PRRC2B: variants seen among roughly 807,000 people sequenced by gnomAD.
PRRC2B encodes the protein protein PRRC2B.
A neutral mutation model predicts 242.3 loss-of-function variants in PRRC2B; 68 were observed. That is an observed-to-expected ratio of 0.28 (90% confidence interval 0.23 to 0.34). PRRC2B has a LOEUF of 0.34. Ranked by LOEUF, PRRC2B falls within the 10% of genes least tolerant of loss-of-function variation. PRRC2B has a pLI of 1.00. For synonymous variants in PRRC2B, 1,228 were observed against 1,173.6 expected (o/e 1.05, Z -0.95); for missense variants, 2,835 against 2,954.8 (o/e 0.96, Z 0.94).
intron 2 of PRRC2B, 66 bp from the exon 3 acceptor site, chr9:131,432,551 G>C (rs1838212510): frequency 8.5e-6 from 12 of 1,414,596 alleles, no homozygotes; most frequent in Non-Finnish European, 8.8e-6. Flanking sequence ...ACAGCTGAAT[G>C]CATCAGGCTT....
intron 1 of PRRC2B, among the ~76,000 whole-genome samples, chr9:131,397,684 G>T (rs1197174106): frequency 1.4e-5 from 2 of 147,096 alleles, no homozygotes; most frequent in Non-Finnish European, 3.0e-5. Context: ...TTTCTGTGTT[G>T]GTTTCTATTT....
chr9:131,474,673 A>G lies in PRRC2B; in HGVS notation c.2544A>G (p.Gln848=), dbSNP rs549450799. The G allele has an allele frequency of 1.9e-6, 3 of 1,613,476 alleles. No individual in the cohort carries two copies. Among genetic ancestry groups the G allele is most frequent in the African/African-American group, 1.3e-5 (1 of 74,942 alleles). ...CAGGTGCTCCTGGGGGTCACACCCAAAACCTCAGGTGTTCCCCATTGGAGC... is the reference window on the plus strand; with the variant it reads ...CAGGTGCTCCTGGGGGTCACACCCAGAACCTCAGGTGTTCCCCATTGGAGC... The part of the protein sequence containing the change: ...QDAGAPGGHT[Q]NLRCSPLEPD... The change falls in exon 16 of 32, where the codon CAA becomes CAG. Residue 848 remains glutamine, a synonymous_variant. Coordinates refer to ENST00000683519, the MANE Select transcript of PRRC2B (RefSeq NM_013318.4).
intron 5 of PRRC2B, among the ~76,000 whole-genome samples, chr9:131,443,112 A>ATTTAT (rs1554761455): frequency 7.5e-5 from 11 of 147,076 alleles, no homozygotes; most frequent in African/African-American, 1.7e-4. Flanking sequence ...ATTTTATTTT[A>ATTTAT]TTTATTTTAT....
intron 23 of PRRC2B, among the ~76,000 whole-genome samples, chr9:131,484,413 G>A (rs151326387): frequency 2.6e-4 from 39 of 152,310 alleles, no homozygotes; most frequent in East Asian, 1.3e-3. Context: ...AACTGATGGA[G>A]GCAGCCATCT....
intron 2 of PRRC2B, among the ~76,000 whole-genome samples, chr9:131,431,019 C>T (rs974377740): frequency 2.0e-5 from 3 of 151,078 alleles, no homozygotes; most frequent in Non-Finnish European, 4.4e-5. Flanking sequence ...GGCGTGATCT[C>T]AGCTCAGTGC....
In PRRC2B at chr9:131,380,586, G is replaced by GA. The variant is rs954404081; in HGVS notation, c.-56+6866dup. On this transcript the variant is annotated intron_variant, in intron 1 of 1. Transcript: ENST00000682525. Reference sequence around the variant, plus strand: ...AGAGCAAAAACTCCGCCTCAAAAAAGAAAAAAAAAAAGGCCGGCCGCAGTG... The same window carrying GA: ...AGAGCAAAAACTCCGCCTCAAAAAAGAAAAAAAAAAAAGGCCGGCCGCAGTG... Among the ~76,000 whole-genome samples the GA allele has an allele frequency of 4.9e-4, 64 of 131,326 alleles. 3 individuals carry two copies. The highest frequency in any genetic ancestry group is 1.1e-3 in the East Asian group (5 of 4,464). The allele number at this position is 131,326 out of a possible 152,430, so 86.2% of individuals were successfully genotyped here. A position where few individuals can be genotyped will look rare whatever the true frequency, so the allele number is the denominator to read the frequency against.
intron 3 of PRRC2B, among the ~76,000 whole-genome samples, 171 bp from the exon 4 acceptor site, chr9:131,436,449 T>G (rs534200976): frequency 6.6e-6 from 1 of 152,330 alleles, no homozygotes; most frequent in African/African-American, 2.4e-5. Flanking sequence ...ATGGTTTGTT[T>G]TCTTATTAGT....
Position 131,459,360 on chromosome 9 carries a change from C to T in PRRC2B, c.1404+4C>T, listed in dbSNP as rs748129830. The T allele has an allele frequency of 3.7e-6, 6 of 1,610,828 alleles. No individual in the cohort carries two copies. The East Asian group carries it at 1.1e-4, about 30-fold the overall frequency. ...GGCACCAGGCCCTGACTACCAGGTA[C>T]CAAGGGCCCTTGGCTGTCCTGTGTA... On this transcript the variant is annotated splice_donor_region_variant and intron_variant, in intron 11 of 31. Coordinates refer to ENST00000683519, the MANE Select transcript of PRRC2B (RefSeq NM_013318.4).
At chr9:131,478,333 G>C in intron 17 of PRRC2B, 141 bp from the exon 18 acceptor site, 1 of 799,526 alleles carries the variant, frequency 1.3e-6, no homozygotes, top group Non-Finnish European at 2.1e-6. Context: ...TGTTAGATCA[G>C]AGGCGGCCTG....
chr9:131,389,399 C>T (rs548218976), upstream of PRRC2B, among the ~76,000 whole-genome samples: 248 of 150,396 alleles, frequency 1.6e-3, 14 homozygotes, highest in Middle Eastern at 3.4e-3. Flanking sequence ...TCAGGCAATC[C>T]GCCCACCTTG....
chr9:131,472,390 C>A (rs187972510), intron 14 of PRRC2B, among the ~76,000 whole-genome samples: 1 of 151,922 alleles, frequency 6.6e-6, no homozygotes, highest in Non-Finnish European at 1.5e-5. Flanking sequence ...CTGCAACCTC[C>A]GCCTCCCGGG....
At chr9:131,418,273 C>T (rs975535122) in intron 1 of PRRC2B, among the ~76,000 whole-genome samples, 1 of 152,254 alleles carries the variant, frequency 6.6e-6, no homozygotes, top group African/African-American at 2.4e-5. Flanking sequence ...ACATTTGGCC[C>T]CTGGCCCCCT....
At chr9:131,483,809 A>G (rs1170486662) in intron 23 of PRRC2B, among the ~76,000 whole-genome samples, 2 of 152,134 alleles carry the variant, frequency 1.3e-5, no homozygotes, top group African/African-American at 4.8e-5. Flanking sequence ...TGCCGCCTGC[A>G]ATCTAACTGT....
chr9:131,401,134 C>G (rs1407467362), intron 1 of PRRC2B, among the ~76,000 whole-genome samples: 1 of 151,894 alleles, frequency 6.6e-6, no homozygotes, highest in African/African-American at 2.4e-5. Context: ...GCAGTTTTCA[C>G]AACTTGTAAA....
At chr9:131,440,624 A>G (rs758147699) in intron 5 of PRRC2B, among the ~76,000 whole-genome samples, 1 of 152,234 alleles carries the variant, frequency 6.6e-6, no homozygotes, top group Non-Finnish European at 1.5e-5. Context: ...TGCGCATAAG[A>G]TTATTCACTG....
rs111995695 is a variant in PRRC2B, at chr9:131,496,115, T to G, written c.*241T>G. On this transcript the variant is annotated 3_prime_UTR_variant, in exon 32 of 32. Coordinates refer to ENST00000683519, the MANE Select transcript of PRRC2B (RefSeq NM_013318.4). ...AAAAGCAGACGACTCCTTCATCCCA[T>G]CTGCTCCTACCGTGACTGTGGAGTG... 9.7e-3 allele frequency: 5,041 copies of G among 521,544 alleles called. 131 individuals carry two copies. The highest frequency in any genetic ancestry group is 0.066 in the African/African-American group (3,488 of 52,522). The allele number at this position is 521,544 out of a possible 1,614,324, so 32.3% of individuals were successfully genotyped here.
At chr9:131,382,793 C>T (rs1836777724) in intron 1 of PRRC2B, among the ~76,000 whole-genome samples, 2 of 152,084 alleles carry the variant, frequency 1.3e-5, no homozygotes, top group African/African-American at 4.8e-5. Context: ...TATAGGTGTG[C>T]ACCACCACGC....
chr9:131,400,693 T>A (rs1306083420), intron 1 of PRRC2B, among the ~76,000 whole-genome samples: 1 of 152,186 alleles, frequency 6.6e-6, no homozygotes, highest in African/African-American at 2.4e-5. Flanking sequence ...ATTACAGGCA[T>A]GAGCCACGGC....
rs1310102227 is a variant in PRRC2B at position 131,478,671 on chromosome 9, G to A, written c.4758+52G>A. On this transcript the variant is annotated intron_variant, in intron 18 of 31. Coordinates refer to ENST00000683519, the MANE Select transcript of PRRC2B (RefSeq NM_013318.4). ...GGGGCTGGAGGGCAGGCTGGCAGAT[G>A]CCCAGGAAACCCAGAGCCAGAGGGT... 5.8e-6 allele frequency: 8 copies of A among 1,381,578 alleles called. No homozygotes were observed. The African/African-American group carries it at 1.1e-4, about 20-fold the overall frequency. The allele number at this position is 1,381,578 out of a possible 1,614,324, so 85.6% of individuals were successfully genotyped here.
Sources: gnomAD v4.1 joint callset for allele counts (sites outside exome capture counted in the v4.1 genomes callset) on GRCh38, gnomAD v4.1.1 for gene constraint, MANE v1.5 for transcripts, NCBI Gene and HGNC (gene_info 2026-07-23, HGNC 2026-07-21) for gene names.